The following ADGRL3 variants were observed in gnomAD, a reference collection of about 807,000 sequenced individuals.
ADGRL3 encodes the protein adhesion G protein-coupled receptor L3, also known as calcium-independent alpha-latrotoxin receptor 3.
A neutral mutation model predicts 153.5 loss-of-function variants in ADGRL3; 62 were observed. The ratio of observed to expected loss-of-function variants is 0.40; its 90% CI spans 0.33 to 0.50. The LOEUF is 0.50. Ranked by LOEUF, ADGRL3 falls within the 20% of genes least tolerant of loss-of-function variation. The probability of loss-of-function intolerance (pLI) is 0.47; values close to 1 mark genes in which losing one functional copy is unlikely to be tolerated. For missense variants in ADGRL3, 1,641 were observed against 1,859.4 expected, an observed-to-expected ratio of 0.88 and a Z score of 2.16; for synonymous variants, 710 against 672.5, an observed-to-expected ratio of 1.06 and a Z score of -0.86.
At chr4:61,689,652 T>C (rs1157846302) in intron 6 of ADGRL3, among the ~76,000 whole-genome samples, 2 of 152,142 alleles carry the variant, frequency 1.3e-5, no homozygotes, top group African/African-American at 2.4e-5. Context: ...ATCTCTTTAA[T>C]TGAAATTTGC....
At chr4:61,750,174 G>T (rs376496756) in intron 8 of ADGRL3, among the ~76,000 whole-genome samples, 1,534 of 100,834 alleles carry the variant, frequency 0.015, 46 homozygotes, top group African/African-American at 0.061. Flanking sequence ...AAGAAAAAAG[G>T]GGATGGTTAA....
At chr4:61,390,298 T>TG (rs1307573641) in intron 2 of ADGRL3, among the ~76,000 whole-genome samples, 1 of 152,186 alleles carries the variant, frequency 6.6e-6, no homozygotes, top group Admixed American at 6.5e-5. Flanking sequence ...ATCCTTGTCT[T>TG]GACCAGACCT....
At chr4:61,378,200 T>C (rs2151855185) in intron 1 of ADGRL3, among the ~76,000 whole-genome samples, 1 of 152,008 alleles carries the variant, frequency 6.6e-6, no homozygotes, top group East Asian at 1.9e-4. Context: ...TTCAGTAGTT[T>C]TTCTTGATAA....
intron 1 of ADGRL3, among the ~76,000 whole-genome samples, chr4:61,245,832 A>G (rs531313825): frequency 6.6e-6 from 1 of 152,094 alleles, no homozygotes; most frequent in Non-Finnish European, 1.5e-5. Flanking sequence ...AATAGTTCAC[A>G]TGATAATCTA....
At chr4:61,777,310 G>A (rs994399440) in intron 8 of ADGRL3, among the ~76,000 whole-genome samples, 1 of 151,668 alleles carries the variant, frequency 6.6e-6, no homozygotes. Flanking sequence ...TCCAGCCTGG[G>A]CCATAGAGCC....
chr4:61,889,438 G>A (rs919597257), intron 9 of ADGRL3, among the ~76,000 whole-genome samples: 4 of 152,082 alleles, frequency 2.6e-5, no homozygotes, highest in African/African-American at 9.7e-5. Context: ...GAAGGGCTTG[G>A]GCATGAAGAA....
intron 18 of ADGRL3, 31 bp downstream of exon 18, chr4:61,979,803 A>T: frequency 6.3e-7 from 1 of 1,576,738 alleles, no homozygotes; most frequent in Non-Finnish European, 8.7e-7. Context: ...CCAGTGAAGA[A>T]TTTTTCCACT....
At chr4:61,410,511 A>G (rs1188543183) in intron 2 of ADGRL3, among the ~76,000 whole-genome samples, 1 of 152,152 alleles carries the variant, frequency 6.6e-6, no homozygotes. Context: ...CAACAATATT[A>G]CAATACTATT....
chr4:61,987,720 ATG>A (rs1227820805), intron 19 of ADGRL3, among the ~76,000 whole-genome samples: 1 of 152,118 alleles, frequency 6.6e-6, no homozygotes, highest in East Asian at 1.9e-4. Flanking sequence ...GTAAAATTGT[ATG>A]TCTTGGAAAT....
intron 9 of ADGRL3, among the ~76,000 whole-genome samples, chr4:61,869,425 C>G (rs2098422415): frequency 6.6e-6 from 1 of 151,158 alleles, no homozygotes; most frequent in Admixed American, 6.6e-5. Flanking sequence ...GGTGAAACCC[C>G]ATCTCTACTA....
intron 8 of ADGRL3, among the ~76,000 whole-genome samples, chr4:61,748,240 T>C (rs2096699084): frequency 6.6e-6 from 1 of 152,174 alleles, no homozygotes; most frequent in Non-Finnish European, 1.5e-5. Flanking sequence ...CATTCCATGC[T>C]CATGGGTAGG....
At chr4:61,448,150 A>G (rs1047522247) in intron 2 of ADGRL3, among the ~76,000 whole-genome samples, 3 of 152,184 alleles carry the variant, frequency 2.0e-5, no homozygotes, top group African/African-American at 7.2e-5. Context: ...AGTAATACAT[A>G]TTGGTTGAGA....
chr4:61,321,895 A>T (rs746200035), intron 1 of ADGRL3, among the ~76,000 whole-genome samples: 1 of 152,170 alleles, frequency 6.6e-6, no homozygotes, highest in Admixed American at 6.6e-5. Context: ...AGGAGGAAGG[A>T]GGTAGATTAA....
At chr4:61,432,602 C>CTT (rs2097374154) in intron 2 of ADGRL3, among the ~76,000 whole-genome samples, 1 of 55,782 alleles carries the variant, frequency 1.8e-5, no homozygotes, top group African/African-American at 7.3e-5. Context: ...TTCTTTCTTT[C>CTT]TTTCTTTCTT....
At chr4:61,450,479 A>T (rs2097660423) in intron 2 of ADGRL3, among the ~76,000 whole-genome samples, 1 of 152,112 alleles carries the variant, frequency 6.6e-6, no homozygotes, top group African/African-American at 2.4e-5. Context: ...CATTTTTTCC[A>T]GGCCTGCAAT....
chr4:61,553,186 T>C (rs906282018), intron 4 of ADGRL3, among the ~76,000 whole-genome samples: 3 of 152,230 alleles, frequency 2.0e-5, no homozygotes, highest in African/African-American at 7.2e-5. Flanking sequence ...TCAAACTTTA[T>C]ATAAATGTGC....
At chr4:61,934,722 A>C (rs1363231883) in intron 13 of ADGRL3, 118 bp from the exon 14 acceptor site, 2 of 702,014 alleles carry the variant, frequency 2.8e-6, no homozygotes, top group African/African-American at 3.5e-5. Context: ...GGCTGGGACA[A>C]TACTGAACTC....
chr4:61,974,119 C>T (rs963547197), intron 17 of ADGRL3, among the ~76,000 whole-genome samples: 19 of 152,174 alleles, frequency 1.2e-4, no homozygotes, highest in African/African-American at 4.3e-4. Context: ...AGGCACCCTC[C>T]ACCCTGTCCA....
intron 2 of ADGRL3, among the ~76,000 whole-genome samples, chr4:61,470,880 A>G (rs1255566662): frequency 6.6e-6 from 1 of 151,952 alleles, no homozygotes; most frequent in African/African-American, 2.4e-5. Flanking sequence ...GTACCTCTTT[A>G]ATGTTTTAGA....
Sources: gnomAD v4.1 joint callset for allele counts (sites outside exome capture counted in the v4.1 genomes callset) on GRCh38, gnomAD v4.1.1 for gene constraint, MANE v1.5 for transcripts, NCBI Gene and HGNC (gene_info 2026-07-23, HGNC 2026-07-21) for gene names.